KIF6: variants seen among roughly 807,000 people sequenced by gnomAD.
The protein encoded by KIF6 is kinesin-like protein KIF6.
KIF6 carries 106 observed loss-of-function variants against 112.7 expected under a neutral mutation model. The ratio of observed to expected loss-of-function variants is 0.94; its 90% CI spans 0.80 to 1.11. The LOEUF (loss-of-function observed/expected upper bound fraction) is 1.11, where lower values mean the gene tolerates loss of function less well. KIF6 is among the 50% of genes least tolerant of loss of function. The pLI is 0.00. For missense variants in KIF6, 929 were observed against 964.0 expected, an observed-to-expected ratio of 0.96 and a Z score of 0.48; for synonymous variants, 339 against 339.9, an observed-to-expected ratio of 1.00 and a Z score of 0.03.
intron 3 of KIF6, among the ~76,000 whole-genome samples, chr6:39,655,237 A>G (rs1033279579): frequency 6.6e-6 from 1 of 152,134 alleles, no homozygotes; most frequent in Non-Finnish European, 1.5e-5. Flanking sequence ...GCATACTTTT[A>G]TACGTTTTTT....
intron 13 of KIF6, among the ~76,000 whole-genome samples, chr6:39,478,404 T>C (rs547408593): frequency 6.6e-6 from 1 of 152,338 alleles, no homozygotes; most frequent in African/African-American, 2.4e-5. Flanking sequence ...TAGTATTCCA[T>C]CATATATATA....
chr6:39,617,118 TG>T (rs1485935216), intron 5 of KIF6, among the ~76,000 whole-genome samples: 1 of 152,170 alleles, frequency 6.6e-6, no homozygotes, highest in Admixed American at 6.5e-5. Context: ...CCCTACAAAA[TG>T]TTTCTAAAAT....
chr6:39,539,914 G>A, intron 13 of KIF6, 89 bp downstream of exon 13: 2 of 881,374 alleles, frequency 2.3e-6, no homozygotes, highest in Non-Finnish European at 3.5e-6. Flanking sequence ...AAGAAATTGA[G>A]CCTTCATCCT....
intron 6 of KIF6, among the ~76,000 whole-genome samples, chr6:39,601,955 T>G (rs755737843): frequency 6.6e-6 from 1 of 152,140 alleles, no homozygotes; most frequent in Non-Finnish European, 1.5e-5. Context: ...AGGTAACTGT[T>G]ACAGGTATTC....
intron 9 of KIF6, 56 bp from the exon 10 acceptor site, chr6:39,578,215 T>C (rs1781083860): frequency 8.7e-7 from 1 of 1,145,554 alleles, no homozygotes; most frequent in East Asian, 2.3e-5. Flanking sequence ...GTGAACTTGG[T>C]GACAGAGAAC....
At chr6:39,365,919 G>T (rs545880560) in intron 16 of KIF6, among the ~76,000 whole-genome samples, 5 of 152,196 alleles carry the variant, frequency 3.3e-5, no homozygotes, top group African/African-American at 9.7e-5. Flanking sequence ...CAGAAGGTAG[G>T]GGGGACGGCC....
chr6:39,677,425 A>T (rs1787213408), intron 3 of KIF6, among the ~76,000 whole-genome samples: 1 of 152,200 alleles, frequency 6.6e-6, no homozygotes, highest in Non-Finnish European at 1.5e-5. Context: ...AACCTGGACC[A>T]CAAAGTCAAC....
intron 3 of KIF6, among the ~76,000 whole-genome samples, chr6:39,682,091 C>T (rs1787552190): frequency 6.6e-6 from 1 of 152,088 alleles, no homozygotes; most frequent in African/African-American, 2.4e-5. Context: ...AATAAGAAGA[C>T]AGAAAAGAAC....
At chr6:39,441,191 A>G (rs1001706136) in intron 13 of KIF6, among the ~76,000 whole-genome samples, 1 of 152,190 alleles carries the variant, frequency 6.6e-6, no homozygotes, top group African/African-American at 2.4e-5. Flanking sequence ...GATCAATCTC[A>G]GCATCTTTCC....
chr6:39,702,416 A>G (rs1788926677), intron 3 of KIF6, among the ~76,000 whole-genome samples: 3 of 152,210 alleles, frequency 2.0e-5, no homozygotes, highest in Non-Finnish European at 1.5e-5. Flanking sequence ...ACAGTGTCAC[A>G]GGATCACAAC....
chr6:39,404,732 T>C lies in KIF6; in HGVS notation c.1810+15216A>G, dbSNP rs549608222. On this transcript the variant is annotated intron_variant, in intron 15 of 22. Coordinates refer to ENST00000287152, the MANE Select transcript of KIF6 (RefSeq NM_145027.6). Reference sequence around the variant, plus strand: ...GTTCTGCTGGGATTTTGAATAGAACTGCATTACATTTAAAGGTCAGTTTAG... The same window carrying C: ...GTTCTGCTGGGATTTTGAATAGAACCGCATTACATTTAAAGGTCAGTTTAG... Among the ~76,000 whole-genome samples, 3 of 152,314 alleles carry C rather than the reference T, an allele frequency of 2.0e-5. No homozygotes were observed. The East Asian group carries it at 5.8e-4, about 29-fold the overall frequency.
chr6:39,575,386 TC>T (rs1391985997), intron 10 of KIF6, among the ~76,000 whole-genome samples: 1 of 152,020 alleles, frequency 6.6e-6, no homozygotes, highest in African/African-American at 2.4e-5. Flanking sequence ...TTCTCCTGTC[TC>T]AGCCTCCCGA....
intron 1 of KIF6, among the ~76,000 whole-genome samples, chr6:39,721,808 G>GA (rs1336178791): frequency 1.6e-5 from 1 of 63,118 alleles, no homozygotes; most frequent in Non-Finnish European, 4.2e-5. Flanking sequence ...TAGATTTAAA[G>GA]GTTTTTTTTT....
chr6:39,630,199 T>C (rs958844051), intron 5 of KIF6, among the ~76,000 whole-genome samples: 5 of 152,104 alleles, frequency 3.3e-5, no homozygotes, highest in African/African-American at 1.2e-4. Flanking sequence ...TATAGTCATT[T>C]TATTGATATC....
intron 13 of KIF6, among the ~76,000 whole-genome samples, chr6:39,447,663 T>C (rs187236575): frequency 4.2e-4 from 64 of 152,172 alleles, no homozygotes; most frequent in African/African-American, 1.4e-3. Context: ...AAAAAAATAC[T>C]CTTTTAACAA....
At chr6:39,681,817 C>A (rs1198026064) in intron 3 of KIF6, among the ~76,000 whole-genome samples, 1 of 152,130 alleles carries the variant, frequency 6.6e-6, no homozygotes, top group African/African-American at 2.4e-5. Context: ...ATAGCATGCC[C>A]CGTGGAATTC....
At chr6:39,427,137 A>G in intron 14 of KIF6, among the ~76,000 whole-genome samples, 1 of 152,164 alleles carries the variant, frequency 6.6e-6, no homozygotes, top group East Asian at 1.9e-4. Flanking sequence ...GCAGGAAGCC[A>G]TCGCTGAATT....
rs775849422 is a variant in KIF6, at chr6:39,343,512, G to C, written c.2428+197C>G. The C allele has an allele frequency of 1.0e-5, 15 of 1,484,342 alleles. No individual in the cohort carries two copies. The highest frequency in any genetic ancestry group is 1.3e-5 in the Non-Finnish European group (14 of 1,110,918). 91.9% of individuals were successfully genotyped at this position (1,484,342 alleles called of 1,614,324 possible). A position where few individuals can be genotyped will look rare whatever the true frequency, so the allele number is the denominator to read the frequency against. On this transcript the variant is annotated intron_variant, in intron 22 of 22. Coordinates refer to ENST00000287152, the MANE Select transcript of KIF6 (RefSeq NM_145027.6). The surrounding 1 kb of genome is among the most constrained non-coding windows in gnomAD (Gnocchi z 4.1). ...CCGCCCACCCACTTGGGCCTGTCTTGGTGTTTCTGATGCTGCCCCTTGAGG... is the reference window on the plus strand; with the variant it reads ...CCGCCCACCCACTTGGGCCTGTCTTCGTGTTTCTGATGCTGCCCCTTGAGG...
intron 16 of KIF6, among the ~76,000 whole-genome samples, chr6:39,369,147 C>G (rs914567323): frequency 5.9e-5 from 9 of 152,322 alleles, no homozygotes; most frequent in African/African-American, 2.2e-4. Flanking sequence ...TGGTCAGCAG[C>G]TCAGAGGCAA....
Sources: gnomAD v4.1 joint callset for allele counts (sites outside exome capture counted in the v4.1 genomes callset) on GRCh38, gnomAD v4.1.1 for gene constraint, Gnocchi (gnomAD v3.1) non-coding constraint, MANE v1.5 for transcripts, NCBI Gene and HGNC (gene_info 2026-07-23, HGNC 2026-07-21) for gene names.